Variants in GOT1L1 observed in about 807,000 individuals in gnomAD.
GOT1L1 encodes glutamic-oxaloacetic transaminase 1 like 1, also known as aspartate aminotransferase, cytoplasmic 2.
A neutral mutation model predicts 43.6 loss-of-function variants in GOT1L1; 38 were observed. The ratio of observed to expected loss-of-function variants is 0.87; its 90% CI spans 0.67 to 1.14. GOT1L1 has a LOEUF of 1.14. GOT1L1 is among the 50% of genes most tolerant of loss of function. The pLI, the probability that GOT1L1 is intolerant of heterozygous loss-of-function variation, is 0.00. For missense variants in GOT1L1, 482 were observed against 504.0 expected, an observed-to-expected ratio of 0.96 and a Z score of 0.42; for synonymous variants, 183 against 187.2, an observed-to-expected ratio of 0.98 and a Z score of 0.18.
chr8:37,936,702 CTTCTGCCTGT>C lies in GOT1L1; in HGVS notation c.763+8_763+17del. The stretch of plus-strand genomic sequence containing the variant: ...CCACTTCAGCAACAGACCCTCCCTT[CTTCTGCCTGT>C]ACCATACCATAAATGCCAAAATTCT... On this transcript the variant is annotated splice_region_variant and intron_variant, in intron 6 of 8. Transcript: ENST00000307599. The C allele has an allele frequency of 6.3e-7, 1 of 1,592,676 alleles. No homozygotes were observed. Among genetic ancestry groups the C allele is most frequent in the Non-Finnish European group, 8.6e-7 (1 of 1,164,782 alleles).
intron 7 of GOT1L1, 25 bp from the exon 8 acceptor site, chr8:37,935,240 G>A (rs998148685): frequency 6.4e-7 from 1 of 1,566,208 alleles, no homozygotes; most frequent in Non-Finnish European, 8.7e-7. Flanking sequence ...CAATGAGAAA[G>A]GAGGGTGTGA....
intron 2 of GOT1L1, 45 bp downstream of exon 2, chr8:37,938,655 C>T (rs1446302234): frequency 2.0e-6 from 3 of 1,505,640 alleles, no homozygotes; most frequent in Admixed American, 2.1e-5. Flanking sequence ...CCCAGATCGC[C>T]ACTCTCTGTG....
chr8:37,939,429 AAAATATATATATATATATATATATAT>A (rs1437200905), intron 1 of GOT1L1, among the ~76,000 whole-genome samples: 28 of 52,758 alleles, frequency 5.3e-4, no homozygotes, highest in Non-Finnish European at 8.4e-4. Flanking sequence ...AAAAAAAAAA[AAAATATATATATATATATATATATAT>A]ATATATATAT....
At chr8:37,939,029 C>A in intron 1 of GOT1L1, 148 bp from the exon 2 acceptor site, 1 of 673,210 alleles carries the variant, frequency 1.5e-6, no homozygotes, top group South Asian at 1.7e-5. Flanking sequence ...CTTTTCTTTT[C>A]TCCTTGATGA....
At chr8:37,934,766 G>A (rs1422110583) in intron 8 of GOT1L1, among the ~76,000 whole-genome samples, 1 of 152,024 alleles carries the variant, frequency 6.6e-6, no homozygotes, top group Non-Finnish European at 1.5e-5. Context: ...AGTAGAGACG[G>A]GGTTTCACCA....
At chr8:37,938,185 C>A (rs1027574958) in intron 2 of GOT1L1, among the ~76,000 whole-genome samples, 2 of 152,196 alleles carry the variant, frequency 1.3e-5, no homozygotes, top group African/African-American at 4.8e-5. Flanking sequence ...TCCCCTGAGG[C>A]CAGGAGTTTG....
chr8:37,937,685 G>C lies in GOT1L1; in HGVS notation c.362C>G (p.Ala121Gly), dbSNP rs768709185. Residue 121 changes from alanine to glycine, a missense_variant, in exon 3 of 9, where the codon GCT (alanine) becomes GGT (glycine). Physicochemically the swap from Ala to Gly is moderately conservative, Grantham distance 60. Transcript: ENST00000307599. Reference protein sequence around the residue: ...AFQLGVQFLRAWHKDARIVYI... With the variant: ...AFQLGVQFLRGWHKDARIVYI... ...AACTATACGAGCATCCTTATGCCAA[G>C]CTCTGAGAAACTGGACGCCAAGCTG... 10 of 1,613,128 alleles carry C rather than the reference G, an allele frequency of 6.2e-6. No individual in the cohort carries two copies. The highest frequency in any genetic ancestry group is 8.5e-6 in the Non-Finnish European group (10 of 1,179,578).
At chr8:37,936,499 C>T (rs146937967) in intron 6 of GOT1L1, among the ~76,000 whole-genome samples, 89 of 151,990 alleles carry the variant, frequency 5.9e-4, no homozygotes, top group African/African-American at 2.0e-3. Flanking sequence ...GAAACAGAGG[C>T]CTGAGGGGGT....
rs1324676478 is a variant in GOT1L1, at chr8:37,937,629, A to G, written c.409+9T>C. ...GATTGCTGTTCCCCTCATCTTGGGT[A>G]AGACTAACCTTTTTGAGAAGAGATG... On this transcript the variant is annotated intron_variant, in intron 3 of 8. Coordinates refer to ENST00000307599, the MANE Select transcript of GOT1L1 (RefSeq NM_152413.3). The G allele has an allele frequency of 6.3e-7, 1 of 1,577,540 alleles. No individual in the cohort carries two copies. The highest frequency in any genetic ancestry group is 8.7e-7 in the Non-Finnish European group (1 of 1,152,402).
In GOT1L1 at chr8:37,936,993, C is replaced by A. The variant is rs756168983; in HGVS notation, c.584G>T (p.Gly195Val). The change falls in exon 5 of 9, where the codon GGG (glycine) becomes GTG (valine). Residue 195 changes from glycine to valine, a missense_variant. Transcript: ENST00000307599. ...NIIDCKLTPS[G>V]WAKLMSMIKS... is the part of the protein sequence containing the mutation. ...TATCATGGACATCAACTTTGCCCAC[C>A]CACTTGGTGTCAACTTGCAGTCGAT... The A allele has an allele frequency of 1.2e-6, 2 of 1,613,890 alleles. No homozygotes were observed. The highest frequency in any genetic ancestry group is 1.7e-6 in the Non-Finnish European group (2 of 1,179,870).
chr8:37,936,270 C>G (rs528905004), intron 6 of GOT1L1, among the ~76,000 whole-genome samples: 1 of 152,114 alleles, frequency 6.6e-6, no homozygotes, highest in South Asian at 2.1e-4. Flanking sequence ...CCTCAGCCCC[C>G]CGGGTGGGTA....
At position 37,938,684 on chromosome 8, in the gene GOT1L1, G is replaced by A; in HGVS notation, c.297+16C>T. ...CTCTGTGTCTAAATGAGCCAGGGGA[G>A]GGCCCACCTTCTCACCCTGTTCTCC... On this transcript the variant is annotated intron_variant, in intron 2 of 8. Transcript: ENST00000307599. 8 of 1,557,056 alleles carry A rather than the reference G, an allele frequency of 5.1e-6. No homozygotes were observed. The highest frequency in any genetic ancestry group is 7.0e-6 in the Non-Finnish European group (8 of 1,148,366).
chr8:37,936,743 A>G lies in GOT1L1; in HGVS notation c.740T>C (p.Leu247Pro), dbSNP rs372105487. The G allele has an allele frequency of 3.1e-6, 5 of 1,612,602 alleles. No homozygotes were observed. Among genetic ancestry groups the G allele is most frequent in the South Asian group, 1.1e-5 (1 of 91,028 alleles). ...ACCATAAATGCCAAAATTCTTGGACAGAGACTGGCTGCAGAAGAACTCAAA... is the reference window on the plus strand; with the variant it reads ...ACCATAAATGCCAAAATTCTTGGACGGAGACTGGCTGCAGAAGAACTCAAA... ...QGFEFFCSQS[L>P]SKNFGIYDEG... is the part of the protein sequence containing the mutation. Residue 247 changes from leucine to proline, a missense_variant, in exon 6 of 9, where the codon CTG becomes CCG. Physicochemically the swap from Leu to Pro is moderately conservative, Grantham distance 98. Transcript: ENST00000307599.
At position 37,938,900 on chromosome 8, in the gene GOT1L1, A is replaced by G. The variant is rs372040771; in HGVS notation, c.116-19T>C. The G allele has an allele frequency of 1.2e-5, 19 of 1,611,664 alleles. No individual in the cohort carries two copies. In the African/African-American group the frequency reaches 2.0e-4, roughly 17 times the overall value. On this transcript the variant is annotated intron_variant, in intron 1 of 8. Coordinates refer to ENST00000307599, the MANE Select transcript of GOT1L1 (RefSeq NM_152413.3). ...ATGCAGACTGTGAGGAAAACCACAG[A>G]GGGAGCTCCAGATGCCTGGTTTGGG...
At chr8:37,936,425 G>A (rs926021813) in intron 6 of GOT1L1, among the ~76,000 whole-genome samples, 1 of 151,998 alleles carries the variant, frequency 6.6e-6, no homozygotes, top group Non-Finnish European at 1.5e-5. Context: ...GGATTAGGAG[G>A]TGTCAACTGG....
At chr8:37,938,566 ACT>A in intron 2 of GOT1L1, 132 bp downstream of exon 2, 1 of 720,846 alleles carries the variant, frequency 1.4e-6, no homozygotes, top group South Asian at 2.0e-5. Context: ...GGACTTGTGG[ACT>A]CTCTGAGCCT....
chr8:37,939,214 A>G (rs1807846824), intron 1 of GOT1L1, among the ~76,000 whole-genome samples: 1 of 151,676 alleles, frequency 6.6e-6, no homozygotes, highest in Non-Finnish European at 1.5e-5. Flanking sequence ...CAGGAGTTCA[A>G]GATCAGCCTG....
Position 37,935,176 on chromosome 8 carries a change from T to C in GOT1L1, c.969A>G (p.Leu323=), listed in dbSNP as rs745562563. 1 of 1,608,372 alleles carries C rather than the reference T, an allele frequency of 6.2e-7. No homozygotes were observed. The highest frequency in any genetic ancestry group is 1.7e-5 in the Admixed American group (1 of 58,826). ...GTTTCTCCTTCACTTTTTCCTTGGTTAGCATGATGTTCTCTACAACTTCTT... is the reference window on the plus strand; with the variant it reads ...GTTTCTCCTTCACTTTTTCCTTGGTCAGCATGATGTTCTCTACAACTTCTT... ...SLKEVVENIM[L]TKEKVKEKLQ... is the part of the protein sequence containing the mutation. Residue 323 remains leucine, a synonymous_variant, in exon 8 of 9, where the codon CTA becomes CTG. Transcript: ENST00000307599.
At position 37,937,401 on chromosome 8, in the gene GOT1L1, C is replaced by T. The variant is rs764004832; in HGVS notation, c.410-15G>A. On this transcript the variant is annotated splice_polypyrimidine_tract_variant and intron_variant, in intron 3 of 8. Coordinates refer to ENST00000307599, the MANE Select transcript of GOT1L1 (RefSeq NM_152413.3). ...TCCATGCAGTTCTGTGGGAACACAG[C>T]CCCCCACTAGCTGGTACATGGGAAA... 2.1e-5 allele frequency: 31 copies of T among 1,505,742 alleles called. No homozygotes were observed. The African/African-American group carries it at 3.0e-4, about 15-fold the overall frequency. 93.3% of individuals were successfully genotyped at this position (1,505,742 alleles called of 1,614,324 possible).
Sources: gnomAD v4.1 joint callset for allele counts (sites outside exome capture counted in the v4.1 genomes callset) on GRCh38, gnomAD v4.1.1 for gene constraint, MANE v1.5 for transcripts, NCBI Gene and HGNC (gene_info 2026-07-23, HGNC 2026-07-21) for gene names.